TMEM187: variants seen among roughly 807,000 people sequenced by gnomAD.
TMEM187 encodes transmembrane protein 187, also known as chromosome X open reading frame 12.
A neutral mutation model predicts 11.8 loss-of-function variants in TMEM187; 14 were observed. That is an observed-to-expected ratio of 1.18 (90% confidence interval 0.78 to 1.85). The LOEUF is 1.85. Ranked by LOEUF, TMEM187 falls within the 40% of genes most tolerant of loss-of-function variation. TMEM187 has a pLI of 0.00. For missense variants in TMEM187, 227 were observed against 243.9 expected (o/e 0.93, Z 0.46); for synonymous variants, 112 against 118.5 (o/e 0.95, Z 0.36).
chrX:153,980,481 G>C (rs2065596073), intron 1 of TMEM187: 1 of 112,326 alleles, frequency 8.9e-6, no homozygotes, highest in Non-Finnish European at 1.9e-5. Flanking sequence ...GGCATGCCTG[G>C]GTTTCTGCTC....
intron 1 of TMEM187, among the ~76,000 whole-genome samples, chrX:153,975,216 C>T (rs2065572880): frequency 8.9e-6 from 1 of 112,234 alleles, no homozygotes; most frequent in Non-Finnish European, 1.9e-5. Flanking sequence ...TCCCATTTGT[C>T]TGTTTTTGTT....
chrX:153,982,586 T>TGG lies in TMEM187; in HGVS notation c.527_528dup (p.Gln177GlyfsTer19). Reference sequence around the variant, plus strand: ...CTGGGTGCTCACGTGGTGGCCGCTGTGGGGCAGGCGCTGCGCACCCACAGG... The same window carrying TGG: ...CTGGGTGCTCACGTGGTGGCCGCTGTGGGGGGCAGGCGCTGCGCACCCACAGG... On this transcript the variant is annotated frameshift_variant, in exon 2 of 2. Coordinates refer to ENST00000369982, the MANE Select transcript of TMEM187 (RefSeq NM_003492.3). LOFTEE classifies it high-confidence loss of function. The TGG allele has an allele frequency of 8.3e-7, 1 of 1,211,155 alleles. No individual in the cohort carries two copies. Among genetic ancestry groups the TGG allele is most frequent in the Non-Finnish European group, 1.1e-6 (1 of 895,567 alleles).
At chrX:153,974,234 A>G (rs1458243237) in intron 1 of TMEM187, among the ~76,000 whole-genome samples, 1 of 111,175 alleles carries the variant, frequency 9.0e-6, no homozygotes, top group Non-Finnish European at 1.9e-5. Context: ...TTCCTCGATC[A>G]AGTTGACAGT....
chrX:153,979,224 CT>C (rs1331386389), intron 1 of TMEM187, among the ~76,000 whole-genome samples: 120 of 102,164 alleles, frequency 1.2e-3, no homozygotes, highest in Non-Finnish European at 8.7e-4. Context: ...CTGCGCCTAG[CT>C]TTTTTTTTTT....
chrX:153,974,522 T>A (rs982473875), intron 1 of TMEM187, among the ~76,000 whole-genome samples: 2 of 112,450 alleles, frequency 1.8e-5, no homozygotes, highest in Non-Finnish European at 3.8e-5. Context: ...GATGGCACTT[T>A]AAGTCTGGCC....
At chrX:153,975,629 CTTTTTTTTTTTTTTTTT>C (rs58423366) in intron 1 of TMEM187, among the ~76,000 whole-genome samples, 348 of 16,660 alleles carry the variant, frequency 0.021, 9 homozygotes, top group South Asian at 0.069. Context: ...CACACCCAGC[CTTTTTTTTTTTTTTTTT>C]TTTTTTTTTT....
rs181706130 is a variant in TMEM187, at chrX:153,975,059, G to T, written c.-214+2199G>T. ...TCAGACCCTGTCCCACCCATTTGGG[G>T]CCTAAATTGCAGTAGGGCAGATGGA... is the stretch of plus-strand genomic sequence containing the variant. On this transcript the variant is annotated intron_variant, in intron 1 of 1. Coordinates refer to ENST00000369982, the MANE Select transcript of TMEM187 (RefSeq NM_003492.3). Among the ~76,000 whole-genome samples, 82 of 112,269 alleles carry T rather than the reference G, an allele frequency of 7.3e-4. 1 individual carries two copies. Among genetic ancestry groups the T allele is most frequent in the African/African-American group, 2.5e-3 (77 of 30,940 alleles).
chrX:153,981,706 G>A (rs782096980), intron 1 of TMEM187, 144 bp from the exon 2 acceptor site: 7 of 339,820 alleles, frequency 2.1e-5, no homozygotes, highest in Non-Finnish European at 3.2e-5. Flanking sequence ...CTAGAGGCTT[G>A]AGAGAGTCAG....
chrX:153,982,722 C>T lies in TMEM187; in HGVS notation c.660C>T (p.Phe220=). 8.2e-7 allele frequency: 1 copy of T among 1,212,415 alleles called. No homozygotes were observed. The highest frequency in any genetic ancestry group is 1.1e-6 in the Non-Finnish European group (1 of 895,648). Reference sequence around the variant, plus strand: ...ATCAGCTCGCACGGTGGCGTCTCTTCCAGTGCCTCACAGGCCACTTCTGGT... The same window carrying T: ...ATCAGCTCGCACGGTGGCGTCTCTTTCAGTGCCTCACAGGCCACTTCTGGT... ...CDHQLARWRL[F]QCLTGHFWSK... Residue 220 remains phenylalanine, a synonymous_variant, in exon 2 of 2, where the codon TTC becomes TTT. Transcript: ENST00000369982.
chrX:153,981,973 C>CA lies in TMEM187; in HGVS notation c.-89dup. On this transcript the variant is annotated 5_prime_UTR_variant, in exon 2 of 2. The change creates a premature stop within an existing upstream ORF in the 5' untranslated region. Coordinates refer to ENST00000369982, the MANE Select transcript of TMEM187 (RefSeq NM_003492.3). ...ATCACGGGGCTTCTTTCTGCTGGCTCAGCCGGGAGGCCCAGAGTGTTCTGC... is the reference window on the plus strand; with the variant it reads ...ATCACGGGGCTTCTTTCTGCTGGCTCAAGCCGGGAGGCCCAGAGTGTTCTGC... The CA allele has an allele frequency of 1.7e-6, 2 of 1,196,268 alleles. No homozygotes were observed. The highest frequency in any genetic ancestry group is 2.3e-6 in the Non-Finnish European group (2 of 885,742).
chrX:153,981,530 G>A (rs1557122387), intron 1 of TMEM187, among the ~76,000 whole-genome samples: 1 of 112,136 alleles, frequency 8.9e-6, no homozygotes, highest in African/African-American at 3.2e-5. Flanking sequence ...AAAGGGCTTT[G>A]GGGCTGGAGA....
Position 153,973,684 on chromosome X carries a change from A to AACACAC in TMEM187, c.-214+846_-214+851dup, listed in dbSNP as rs3055213. 4.6e-3 allele frequency among the ~76,000 whole-genome samples: 493 copies of AACACAC among 106,169 alleles called. 3 individuals carry two copies. Among genetic ancestry groups the AACACAC allele is most frequent in the African/African-American group, 0.016 (462 of 29,103 alleles). The allele number at this position is 106,169 out of a possible 115,157, so 92.2% of individuals were successfully genotyped here. A position where few individuals can be genotyped will look rare whatever the true frequency, so the allele number is the denominator to read the frequency against. ...CGACAGAGCAAGACCCTGTCTCAAA[A>AACACAC]ACACACACACACACACACACACACA... On this transcript the variant is annotated intron_variant, in intron 1 of 1. Coordinates refer to ENST00000369982, the MANE Select transcript of TMEM187 (RefSeq NM_003492.3).
At chrX:153,976,829 C>T (rs2065579110) in intron 1 of TMEM187, among the ~76,000 whole-genome samples, 1 of 112,131 alleles carries the variant, frequency 8.9e-6, no homozygotes, top group African/African-American at 3.2e-5. Context: ...CCACTGCACT[C>T]AGCCTGGGAG....
chrX:153,982,263 G>T lies in TMEM187; in HGVS notation c.201G>T (p.Leu67=). The T allele has an allele frequency of 1.7e-6, 2 of 1,212,118 alleles. No individual in the cohort carries two copies. Among genetic ancestry groups the T allele is most frequent in the Non-Finnish European group, 2.2e-6 (2 of 895,610 alleles). ...NSLVNMAYTL[L]GLSWLHRGGA... Reference sequence around the variant, plus strand: ...TCGTGAACATGGCCTACACGCTGCTGGGGCTGTCGTGGCTGCACAGGGGCG... The same window carrying T: ...TCGTGAACATGGCCTACACGCTGCTTGGGCTGTCGTGGCTGCACAGGGGCG... The change falls in exon 2 of 2, where the codon CTG becomes CTT. Residue 67 remains leucine, a synonymous_variant. Coordinates refer to ENST00000369982, the MANE Select transcript of TMEM187 (RefSeq NM_003492.3).
intron 1 of TMEM187, among the ~76,000 whole-genome samples, chrX:153,974,998 C>A (rs1369881658): frequency 8.9e-6 from 1 of 112,146 alleles, no homozygotes; most frequent in Non-Finnish European, 1.9e-5. Context: ...TGAAATTGAG[C>A]AGGGCTTCAC....
At chrX:153,976,130 C>T (rs1180626205) in intron 1 of TMEM187, among the ~76,000 whole-genome samples, 2 of 111,901 alleles carry the variant, frequency 1.8e-5, no homozygotes, top group Non-Finnish European at 3.8e-5. Context: ...TGCCTTTGTA[C>T]TACTTATAAT....
chrX:153,975,664 GAC>G (rs2065575038), intron 1 of TMEM187, among the ~76,000 whole-genome samples: 1 of 1,804 alleles, frequency 5.5e-4, no homozygotes, highest in Non-Finnish European at 1.1e-3. Context: ...TTTTTTTAAA[GAC>G]AGAGTCTTGC....
At position 153,982,053 on chromosome X, in the gene TMEM187, C is replaced by A; in HGVS notation, c.-10C>A. The A allele has an allele frequency of 8.2e-7, 1 of 1,212,510 alleles. No individual in the cohort carries two copies. Among genetic ancestry groups the A allele is most frequent in the Middle Eastern group, 2.3e-4 (1 of 4,311 alleles). On this transcript the variant is annotated 5_prime_UTR_variant, in exon 2 of 2. Transcript: ENST00000369982. ...AAGCTCCCTGCCCCAGGTCACGCCGCCGGTTCCAGATGAATCCAGAGTGGG... is the reference window on the plus strand; with the variant it reads ...AAGCTCCCTGCCCCAGGTCACGCCGACGGTTCCAGATGAATCCAGAGTGGG...
intron 1 of TMEM187, among the ~76,000 whole-genome samples, chrX:153,975,623 CCCA>C (rs2065574477): frequency 2.3e-5 from 2 of 88,352 alleles, no homozygotes; most frequent in Admixed American, 1.3e-4. Flanking sequence ...AGCCACCACA[CCCA>C]GCCTTTTTTT....
Sources: gnomAD v4.1 joint callset for allele counts (sites outside exome capture counted in the v4.1 genomes callset) on GRCh38, gnomAD v4.1.1 for gene constraint, MANE v1.5 for transcripts, NCBI Gene and HGNC (gene_info 2026-07-23, HGNC 2026-07-21) for gene names.